Variants in CCDC62 observed in about 807,000 individuals in gnomAD.
The protein encoded by CCDC62 is coiled-coil domain containing 62, also known as coiled-coil domain-containing protein 62.
In CCDC62, 72 loss-of-function variants were observed where a neutral mutation model predicts 80.8. That is an observed-to-expected ratio of 0.89 (90% confidence interval 0.74 to 1.08). CCDC62 has a LOEUF of 1.08. CCDC62 is among the 50% of genes least tolerant of loss of function. CCDC62 has a pLI of 0.00. For synonymous variants in CCDC62, 286 were observed against 296.5 expected, an observed-to-expected ratio of 0.96 and a Z score of 0.36; for missense variants, 704 against 809.4, an observed-to-expected ratio of 0.87 and a Z score of 1.58.
intron 10 of CCDC62, among the ~76,000 whole-genome samples, chr12:122,811,337 T>G (rs1027709933): frequency 1.4e-5 from 2 of 144,896 alleles, no homozygotes; most frequent in Non-Finnish European, 3.0e-5. Context: ...TCAGCCTCCC[T>G]AGTAGCTGGG....
At chr12:122,784,075 G>A (rs1040482371) in intron 3 of CCDC62, among the ~76,000 whole-genome samples, 1 of 151,946 alleles carries the variant, frequency 6.6e-6, no homozygotes, top group African/African-American at 2.4e-5. Flanking sequence ...CCTCACCCCT[G>A]GTCACACGAA....
rs551370561 is a variant in CCDC62 at position 122,812,756 on chromosome 12, G to GGAGAGAGAGA, written c.1852-499_1852-490dup. On this transcript the variant is annotated intron_variant, in intron 10 of 12. Coordinates refer to ENST00000253079, the MANE Select transcript of CCDC62 (RefSeq NM_201435.5). Reference sequence around the variant, plus strand: ...AAAAAAGAAAGAGAGAGAGAGGGAGGGAGAGAGAGAGAGAGAGAGAGAGAA... The same window carrying GGAGAGAGAGA: ...AAAAAAGAAAGAGAGAGAGAGGGAGGGAGAGAGAGAGAGAGAGAGAGAGAGAGAGAGAGAA... Among the ~76,000 whole-genome samples the GGAGAGAGAGA allele has an allele frequency of 1.0e-3, 91 of 88,828 alleles. 4 individuals are homozygous for GGAGAGAGAGA. The highest frequency in any genetic ancestry group is 4.1e-3 in the African/African-American group (90 of 21,918). 58.3% of individuals were successfully genotyped at this position (88,828 alleles called of 152,430 possible).
intron 3 of CCDC62, among the ~76,000 whole-genome samples, chr12:122,782,446 ATGT>A (rs1416992388): frequency 2.6e-5 from 4 of 152,044 alleles, no homozygotes; most frequent in Non-Finnish European, 5.9e-5. Context: ...AGCCTCAATG[ATGT>A]TTTCTAAATT....
chr12:122,779,743 A>G (rs923439816), intron 2 of CCDC62, among the ~76,000 whole-genome samples: 1 of 151,926 alleles, frequency 6.6e-6, no homozygotes, highest in African/African-American at 2.4e-5. Context: ...CCCTGTCTCT[A>G]CTAAAAATAC....
At chr12:122,778,928 C>T (rs985067043) in intron 2 of CCDC62, among the ~76,000 whole-genome samples, 29 of 152,090 alleles carry the variant, frequency 1.9e-4, no homozygotes, top group Admixed American at 1.3e-3. Context: ...TTTTTCGTTT[C>T]TTTGATGACC....
intron 10 of CCDC62, among the ~76,000 whole-genome samples, chr12:122,808,164 G>A (rs1054508069): frequency 1.4e-4 from 21 of 152,144 alleles, no homozygotes; most frequent in Admixed American, 1.4e-3. Context: ...TGGTGTGCTG[G>A]TGTGTGCCTG....
At chr12:122,776,943 A>C (rs185502122) in intron 1 of CCDC62, 1 of 152,694 alleles carries the variant, frequency 6.5e-6, no homozygotes, top group East Asian at 1.9e-4. Context: ...TTACAGGCGC[A>C]TGCCACCACA....
At chr12:122,812,803 G>GAA (rs760623143) in intron 10 of CCDC62, among the ~76,000 whole-genome samples, 2 of 144,124 alleles carry the variant, frequency 1.4e-5, no homozygotes, top group South Asian at 2.3e-4. Flanking sequence ...AAGAAAGAAA[G>GAA]AAAGAAAGAA....
At position 122,826,482 on chromosome 12, in the gene CCDC62, A is replaced by C. The variant is rs750155444; in HGVS notation, c.*101A>C. 1.3e-6 allele frequency: 1 copy of C among 776,548 alleles called. No homozygotes were observed. Among genetic ancestry groups the C allele is most frequent in the South Asian group, 1.4e-5 (1 of 73,536 alleles). 48.1% of individuals were successfully genotyped at this position (776,548 alleles called of 1,614,324 possible). A position where few individuals can be genotyped will look rare whatever the true frequency, so the allele number is the denominator to read the frequency against. The stretch of plus-strand genomic sequence containing the variant: ...CAATACTGAATGAATACTTAACCGT[A>C]AAACTGAAAGAGGATTCTAGTTCTT... On this transcript the variant is annotated 3_prime_UTR_variant, in exon 13 of 13. Coordinates refer to ENST00000253079, the MANE Select transcript of CCDC62 (RefSeq NM_201435.5).
intron 8 of CCDC62, among the ~76,000 whole-genome samples, chr12:122,798,757 C>G (rs1293782862): frequency 4.7e-5 from 7 of 150,194 alleles, no homozygotes. Context: ...CTCCAGCCTG[C>G]GTGACAAGAG....
intron 8 of CCDC62, among the ~76,000 whole-genome samples, chr12:122,799,992 T>C: frequency 6.6e-6 from 1 of 151,998 alleles, no homozygotes; most frequent in East Asian, 1.9e-4. Flanking sequence ...TACTGGCTCT[T>C]TCTTCTTTTT....
rs1566093965 is a variant in CCDC62 at position 122,826,430 on chromosome 12, T to C, written c.*49T>C. 2.6e-6 allele frequency: 2 copies of C among 780,370 alleles called. No individual in the cohort carries two copies. The highest frequency in any genetic ancestry group is 2.4e-5 in the East Asian group (1 of 41,228). 48.3% of individuals were successfully genotyped at this position (780,370 alleles called of 1,614,324 possible). A position where few individuals can be genotyped will look rare whatever the true frequency, so the allele number is the denominator to read the frequency against. On this transcript the variant is annotated 3_prime_UTR_variant, in exon 13 of 13. Transcript: ENST00000253079. ...TCTTCATCCAAAAGCAGATTTCTCA[T>C]CTATGTGGAAGGCAGAAAGCAGACA... is the stretch of plus-strand genomic sequence containing the variant.
At chr12:122,774,880 G>A (rs1301603430) in intron 1 of CCDC62, among the ~76,000 whole-genome samples, 174 bp downstream of exon 1, 1 of 151,758 alleles carries the variant, frequency 6.6e-6, no homozygotes, top group Non-Finnish European at 1.5e-5. Flanking sequence ...ACGAGGTCAG[G>A]AGATCGAGAC....
At chr12:122,802,806 C>A (rs1436252431) in intron 9 of CCDC62, among the ~76,000 whole-genome samples, 1 of 152,034 alleles carries the variant, frequency 6.6e-6, no homozygotes, top group Non-Finnish European at 1.5e-5. Flanking sequence ...GCAGGAGGAC[C>A]ACTTGAGTCC....
At chr12:122,804,861 C>T (rs1464485933) in intron 9 of CCDC62, among the ~76,000 whole-genome samples, 4 of 149,092 alleles carry the variant, frequency 2.7e-5, no homozygotes, top group Admixed American at 6.8e-5. Context: ...ACTACGGGCA[C>T]GAGTCACTGC....
intron 6 of CCDC62, among the ~76,000 whole-genome samples, chr12:122,793,774 T>C (rs2030773118): frequency 6.6e-6 from 1 of 152,018 alleles, no homozygotes; most frequent in South Asian, 2.1e-4. Context: ...TTAAGTGAAA[T>C]GGAATTCTTA....
chr12:122,803,586 T>C (rs147689196), intron 9 of CCDC62, among the ~76,000 whole-genome samples: 1,781 of 151,848 alleles, frequency 0.012, 28 homozygotes, highest in African/African-American at 0.041. Flanking sequence ...TAGTGCTTAA[T>C]TATTTGGAGT....
intron 4 of CCDC62, among the ~76,000 whole-genome samples, chr12:122,786,655 A>C (rs1398213060): frequency 6.6e-6 from 1 of 152,040 alleles, no homozygotes. Flanking sequence ...GATTGGGGCA[A>C]GTGCTGTTAA....
In CCDC62 at chr12:122,798,777, G is replaced by A. The variant is rs146511746; in HGVS notation, c.977+577G>A. Among the ~76,000 whole-genome samples the A allele has an allele frequency of 3.4e-3, 519 of 150,970 alleles. 2 individuals are homozygous for A. Among genetic ancestry groups the A allele is most frequent in the African/African-American group, 0.012 (489 of 41,060 alleles). ...GCCTGCGTGACAAGAGCCAAACTCCGTCTCAAAAAATAAATAAATAGGCCT... is the reference window on the plus strand; with the variant it reads ...GCCTGCGTGACAAGAGCCAAACTCCATCTCAAAAAATAAATAAATAGGCCT... On this transcript the variant is annotated intron_variant, in intron 8 of 12. Coordinates refer to ENST00000253079, the MANE Select transcript of CCDC62 (RefSeq NM_201435.5).
Sources: allele counts gnomAD v4.1 joint callset (sites outside exome capture counted in the v4.1 genomes callset), GRCh38; gene constraint gnomAD v4.1.1; transcripts MANE v1.5; gene names NCBI Gene and HGNC (gene_info 2026-07-23, HGNC 2026-07-21).